Variants in HSD17B12 observed in about 807,000 individuals in gnomAD.
The protein encoded by HSD17B12 is hydroxysteroid 17-beta dehydrogenase 12.
HSD17B12 carries 32 observed loss-of-function variants against 39.3 expected under a neutral mutation model. The observed-to-expected ratio is 0.81, with a 90% CI of 0.61 to 1.09. The LOEUF (loss-of-function observed/expected upper bound fraction) is 1.09, where lower values mean the gene tolerates loss of function less well. HSD17B12 is among the 50% of genes least tolerant of loss of function. HSD17B12 has a pLI of 0.00. For synonymous variants in HSD17B12, 150 were observed against 146.7 expected (o/e 1.02, Z -0.16); for missense variants, 342 against 382.9 (o/e 0.89, Z 0.89).
At chr11:43,783,380 T>C (rs1019813020) in intron 3 of HSD17B12, among the ~76,000 whole-genome samples, 3 of 152,122 alleles carry the variant, frequency 2.0e-5, no homozygotes, top group Admixed American at 1.3e-4. Flanking sequence ...TTAAATATTA[T>C]TGAGGACTCC....
intron 2 of HSD17B12, among the ~76,000 whole-genome samples, chr11:43,752,694 A>G (rs1950476422): frequency 6.6e-6 from 1 of 152,072 alleles, no homozygotes; most frequent in Non-Finnish European, 1.5e-5. Flanking sequence ...AGCCTGGGTG[A>G]CAGAGCAAGA....
chr11:43,688,313 A>G (rs963441550), intron 1 of HSD17B12, among the ~76,000 whole-genome samples: 9 of 152,078 alleles, frequency 5.9e-5, no homozygotes, highest in Admixed American at 1.3e-4. Context: ...CTCAGAGACC[A>G]TTTCTGTCTG....
intron 3 of HSD17B12, among the ~76,000 whole-genome samples, chr11:43,767,637 C>T (rs1451701855): frequency 1.3e-5 from 2 of 152,112 alleles, no homozygotes; most frequent in East Asian, 3.8e-4. Context: ...ATTTAAATGA[C>T]CTAGCGTTAT....
At chr11:43,737,917 C>CA (rs1313324641) in intron 1 of HSD17B12, among the ~76,000 whole-genome samples, 1 of 151,886 alleles carries the variant, frequency 6.6e-6, no homozygotes, top group Non-Finnish European at 1.5e-5. Flanking sequence ...ACTAAAAATA[C>CA]AAAAAATTAG....
At chr11:43,709,306 A>G (rs1162889492) in intron 1 of HSD17B12, among the ~76,000 whole-genome samples, 4 of 152,182 alleles carry the variant, frequency 2.6e-5, no homozygotes, top group Non-Finnish European at 5.9e-5. Flanking sequence ...TTGTAATTTT[A>G]GTAGAGACAG....
upstream of HSD17B12, among the ~76,000 whole-genome samples, chr11:43,677,844 G>T (rs1230298076): frequency 6.6e-6 from 1 of 152,176 alleles, no homozygotes; most frequent in Non-Finnish European, 1.5e-5. Context: ...GTCTATCATT[G>T]TTGGACATTC....
intron 1 of HSD17B12, among the ~76,000 whole-genome samples, chr11:43,736,244 C>T (rs944493164): frequency 1.3e-5 from 2 of 151,964 alleles, no homozygotes; most frequent in African/African-American, 4.8e-5. Context: ...GGAAGTCGGC[C>T]CAGGGGAGTA....
intron 4 of HSD17B12, among the ~76,000 whole-genome samples, chr11:43,801,258 G>A (rs1176150995): frequency 1.3e-5 from 2 of 152,114 alleles, no homozygotes; most frequent in East Asian, 1.9e-4. Context: ...GGAAGGACAG[G>A]GTGTAATATG....
At chr11:43,590,244 G>A in the HSD17B12 span, among the ~76,000 whole-genome samples, 1 of 151,200 alleles carries the variant, frequency 6.6e-6, no homozygotes, top group Non-Finnish European at 1.5e-5. Context: ...GGCTGAGTCT[G>A]GAGCTGAATC....
the HSD17B12 span, among the ~76,000 whole-genome samples, chr11:43,559,162 C>T: frequency 6.6e-6 from 1 of 152,108 alleles, no homozygotes; most frequent in Non-Finnish European, 1.5e-5. Context: ...TTGCACTTCT[C>T]AGAAGGAAAT....
intron 6 of HSD17B12, among the ~76,000 whole-genome samples, chr11:43,818,575 C>T (rs965179263): frequency 6.6e-6 from 1 of 152,162 alleles, no homozygotes; most frequent in African/African-American, 2.4e-5. Flanking sequence ...AATCCATTTT[C>T]AGTAACTCAT....
the HSD17B12 span, among the ~76,000 whole-genome samples, chr11:43,663,594 G>A: frequency 6.6e-6 from 1 of 152,092 alleles, no homozygotes; most frequent in African/African-American, 2.4e-5. Context: ...TTTTGTTAGT[G>A]GTAGCCTTCA....
intron 1 of HSD17B12, among the ~76,000 whole-genome samples, chr11:43,748,713 A>C (rs557834904): frequency 7.9e-5 from 12 of 152,358 alleles, no homozygotes; most frequent in African/African-American, 2.9e-4. Flanking sequence ...TCCCACAAAC[A>C]TTTAAATCTG....
At chr11:43,703,849 G>T (rs1949989766) in intron 1 of HSD17B12, among the ~76,000 whole-genome samples, 1 of 151,794 alleles carries the variant, frequency 6.6e-6, no homozygotes, top group Non-Finnish European at 1.5e-5. Flanking sequence ...TTTAAAAAAA[G>T]AACAACTTTT....
intron 1 of HSD17B12, chr11:43,718,808 G>A (rs1033626885): frequency 1.5e-4 from 140 of 915,566 alleles, no homozygotes; most frequent in Middle Eastern, 1.1e-3. Context: ...CACGTCACCC[G>A]CCTTCTGGTG....
the HSD17B12 span, chr11:43,644,645 G>C: frequency 6.5e-6 from 1 of 152,884 alleles, no homozygotes. Context: ...CCTATTTGGG[G>C]TTGGACTGGG....
At chr11:43,722,299 C>T (rs1039365009) in intron 1 of HSD17B12, among the ~76,000 whole-genome samples, 4 of 152,132 alleles carry the variant, frequency 2.6e-5, no homozygotes, top group Middle Eastern at 3.4e-3. Context: ...TTTTTTTCTT[C>T]TTTTCCTCTT....
At chr11:43,729,434 A>G (rs540566513) in intron 1 of HSD17B12, among the ~76,000 whole-genome samples, 6 of 152,332 alleles carry the variant, frequency 3.9e-5, no homozygotes, top group African/African-American at 1.4e-4. Flanking sequence ...CAGGCATCAG[A>G]GAAGTTGTTT....
chr11:43,692,138 T>C (rs1949868396), intron 1 of HSD17B12, among the ~76,000 whole-genome samples: 1 of 152,256 alleles, frequency 6.6e-6, no homozygotes, highest in African/African-American at 2.4e-5. Flanking sequence ...TGCTCAAAAG[T>C]GTATTTGCAC....
Sources: allele counts gnomAD v4.1 joint callset (sites outside exome capture counted in the v4.1 genomes callset), GRCh38; gene constraint gnomAD v4.1.1; transcripts MANE v1.5; gene names NCBI Gene and HGNC (gene_info 2026-07-23, HGNC 2026-07-21).